Variants in GRIP1 observed in about 807,000 individuals in gnomAD.
GRIP1 encodes glutamate receptor interacting protein 1.
A neutral mutation model predicts 129.9 loss-of-function variants in GRIP1; 45 were observed. The ratio of observed to expected loss-of-function variants is 0.35; its 90% CI spans 0.27 to 0.44. The LOEUF (loss-of-function observed/expected upper bound fraction) is 0.44. GRIP1 is among the 20% of genes least tolerant of loss of function. GRIP1 has a pLI of 1.00. For missense variants in GRIP1, 1,196 were observed against 1,396.8 expected, an observed-to-expected ratio of 0.86 and a Z score of 2.29; for synonymous variants, 530 against 520.8, an observed-to-expected ratio of 1.02 and a Z score of -0.24.
chr12:66,774,455 A>G (rs1320710036), intron 1 of GRIP1, among the ~76,000 whole-genome samples: 1 of 152,226 alleles, frequency 6.6e-6, no homozygotes, highest in Non-Finnish European at 1.5e-5. Context: ...TAAAGCACTC[A>G]ACTTGAACAG....
intron 1 of GRIP1, among the ~76,000 whole-genome samples, chr12:66,774,961 C>T (rs970214672): frequency 2.0e-5 from 3 of 152,124 alleles, no homozygotes; most frequent in Non-Finnish European, 4.4e-5. Flanking sequence ...GTCTCTTACA[C>T]AGAATCACTC....
intron 1 of GRIP1, among the ~76,000 whole-genome samples, chr12:66,795,526 A>C (rs1356201175): frequency 6.6e-6 from 1 of 152,222 alleles, no homozygotes; most frequent in Non-Finnish European, 1.5e-5. Flanking sequence ...GATAATTATC[A>C]GAAAACAGGA....
intron 1 of GRIP1, among the ~76,000 whole-genome samples, chr12:66,983,618 T>A (rs959825226): frequency 1.3e-5 from 2 of 152,178 alleles, no homozygotes; most frequent in Non-Finnish European, 2.9e-5. Context: ...AAAACCAACA[T>A]AAAGTTTTAA....
intron 1 of GRIP1, among the ~76,000 whole-genome samples, chr12:66,739,577 C>T (rs948074236): frequency 4.6e-5 from 7 of 151,846 alleles, no homozygotes; most frequent in Admixed American, 6.6e-5. Context: ...CTCCATGGTG[C>T]GGGGGCAGGG....
At chr12:66,598,887 T>G (rs1345141978) in intron 1 of GRIP1, among the ~76,000 whole-genome samples, 5 of 152,172 alleles carry the variant, frequency 3.3e-5, no homozygotes, top group African/African-American at 1.2e-4. Context: ...CAGTGTTGGA[T>G]TTTTATAAAG....
chr12:66,899,244 T>C (rs1016830299), intron 1 of GRIP1, among the ~76,000 whole-genome samples: 1 of 152,154 alleles, frequency 6.6e-6, no homozygotes, highest in African/African-American at 2.4e-5. Flanking sequence ...CAATAAAGGC[T>C]TAAAGGGAGC....
chr12:66,921,091 C>T (rs1256324419), intron 1 of GRIP1, among the ~76,000 whole-genome samples: 1 of 152,108 alleles, frequency 6.6e-6, no homozygotes, highest in Admixed American at 6.5e-5. Context: ...GATACGTGAA[C>T]CATTGTTACC....
intron 2 of GRIP1, among the ~76,000 whole-genome samples, chr12:66,590,167 C>A (rs567228339): frequency 6.6e-6 from 1 of 152,144 alleles, no homozygotes; most frequent in Non-Finnish European, 1.5e-5. Flanking sequence ...TGACCAAGTG[C>A]CACCTCTCCT....
intron 11 of GRIP1, among the ~76,000 whole-genome samples, chr12:66,447,495 A>G (rs1180116373): frequency 6.6e-6 from 1 of 152,212 alleles, no homozygotes; most frequent in Non-Finnish European, 1.5e-5. Context: ...ATTTCCTATA[A>G]GACTGAAAAG....
At chr12:66,354,996 G>A (rs1000653877) in intron 23 of GRIP1, among the ~76,000 whole-genome samples, 6 of 152,104 alleles carry the variant, frequency 3.9e-5, no homozygotes, top group African/African-American at 9.7e-5. Context: ...TGGTGGGGAC[G>A]TGTCTGTGAG....
chr12:66,931,296 G>A (rs991185277), intron 1 of GRIP1, among the ~76,000 whole-genome samples: 1 of 152,192 alleles, frequency 6.6e-6, no homozygotes, highest in African/African-American at 2.4e-5. Context: ...ATACTGCAGA[G>A]GGACAACCAT....
chr12:66,397,948 T>C (rs2056855424), intron 16 of GRIP1, among the ~76,000 whole-genome samples: 1 of 152,236 alleles, frequency 6.6e-6, no homozygotes, highest in African/African-American at 2.4e-5. Context: ...TGTAAACAGA[T>C]ATTTAATTAG....
At chr12:66,555,652 C>G (rs1423130153) in intron 2 of GRIP1, among the ~76,000 whole-genome samples, 2 of 152,074 alleles carry the variant, frequency 1.3e-5, no homozygotes, top group African/African-American at 4.8e-5. Flanking sequence ...CTGGAGGAAA[C>G]TTGATGAAAT....
At chr12:66,756,767 A>G (rs374473362) in intron 1 of GRIP1, among the ~76,000 whole-genome samples, 11 of 152,170 alleles carry the variant, frequency 7.2e-5, no homozygotes, top group African/African-American at 2.7e-4. Flanking sequence ...TTACCAGATG[A>G]CAACTGAGAA....
At chr12:66,705,591 T>C (rs1477295267) in intron 1 of GRIP1, among the ~76,000 whole-genome samples, 3 of 152,152 alleles carry the variant, frequency 2.0e-5, no homozygotes, top group Non-Finnish European at 4.4e-5. Context: ...AGACCCTGTA[T>C]AGCCAAGACA....
Position 66,554,458 on chromosome 12 carries a change from T to G in GRIP1, c.137-12508A>C, listed in dbSNP as rs181140889. Reference sequence around the variant, plus strand: ...AGACATGCTGGCTTCAAGTGTGACCTAGCATATTCCCAACTGTGGTGGCCA... The same window carrying G: ...AGACATGCTGGCTTCAAGTGTGACCGAGCATATTCCCAACTGTGGTGGCCA... On this transcript the variant is annotated intron_variant, in intron 2 of 24. Transcript: ENST00000359742. 3.1e-3 allele frequency among the ~76,000 whole-genome samples: 476 copies of G among 152,168 alleles called. 2 individuals are homozygous for G. Among genetic ancestry groups the G allele is most frequent in the African/African-American group, 0.011 (465 of 41,520 alleles).
chr12:66,799,698 T>A (rs1391701484), intron 1 of GRIP1, among the ~76,000 whole-genome samples: 2 of 152,196 alleles, frequency 1.3e-5, no homozygotes, highest in African/African-American at 4.8e-5. Flanking sequence ...GTCAGAGTTC[T>A]CACTCTAGCC....
intron 22 of GRIP1, among the ~76,000 whole-genome samples, chr12:66,374,605 AT>A (rs1592717573): frequency 6.6e-6 from 1 of 152,170 alleles, no homozygotes; most frequent in Non-Finnish European, 1.5e-5. Flanking sequence ...GTTAACATCC[AT>A]TTTTTAATAT....
intron 1 of GRIP1, among the ~76,000 whole-genome samples, chr12:66,705,298 T>C (rs1179380019): frequency 6.6e-6 from 1 of 151,578 alleles, no homozygotes; most frequent in Non-Finnish European, 1.5e-5. Flanking sequence ...AATAAAACTA[T>C]CCATTTAATG....
Sources: allele counts gnomAD v4.1 joint callset (sites outside exome capture counted in the v4.1 genomes callset), GRCh38; gene constraint gnomAD v4.1.1; transcripts MANE v1.5; gene names NCBI Gene and HGNC (gene_info 2026-07-23, HGNC 2026-07-21).